Variants in DOCK1 observed in about 807,000 individuals in gnomAD.
The protein encoded by DOCK1 is dedicator of cytokinesis protein 1.
DOCK1 carries 138 observed loss-of-function variants against 262.7 expected under a neutral mutation model. The observed-to-expected ratio is 0.53, with a 90% CI of 0.46 to 0.61. The LOEUF (loss-of-function observed/expected upper bound fraction) is 0.61. Among genes scored for constraint, DOCK1 ranks in the 20% least tolerant of loss-of-function variants. The pLI, the probability that DOCK1 is intolerant of heterozygous loss-of-function variation, is 0.00. For missense variants in DOCK1, 1,908 were observed against 2,370.7 expected (o/e 0.80, Z 4.05); for synonymous variants, 866 against 867.4 (o/e 1.00, Z 0.03).
At chr10:127,008,237 A>G (rs956531010) in intron 10 of DOCK1, among the ~76,000 whole-genome samples, 10 of 152,032 alleles carry the variant, frequency 6.6e-5, no homozygotes, top group Admixed American at 2.0e-4. Context: ...AGCTGGGACT[A>G]CAGGTGCACA....
intron 31 of DOCK1, among the ~76,000 whole-genome samples, chr10:127,348,635 C>CA (rs1554953261): frequency 7.8e-4 from 118 of 151,910 alleles, no homozygotes; most frequent in African/African-American, 2.7e-3. Context: ...TCAGTTTTGG[C>CA]GGGGTGGGTG....
intron 32 of DOCK1, among the ~76,000 whole-genome samples, chr10:127,360,273 C>T (rs138014125): frequency 2.6e-5 from 4 of 152,244 alleles, no homozygotes; most frequent in Non-Finnish European, 4.4e-5. Flanking sequence ...AGGAGCTCAC[C>T]CTGATCCTCA....
intron 21 of DOCK1, among the ~76,000 whole-genome samples, chr10:127,050,381 G>T (rs2135718746): frequency 6.7e-6 from 1 of 149,578 alleles, no homozygotes; most frequent in East Asian, 2.0e-4. Context: ...ATTTCCAATA[G>T]ATATTATAAT....
intron 24 of DOCK1, among the ~76,000 whole-genome samples, chr10:127,109,386 TGTG>T (rs950555531): frequency 4.6e-5 from 7 of 152,368 alleles, no homozygotes; most frequent in South Asian, 4.1e-4. Context: ...ATTGCTTTAT[TGTG>T]GTATTATTTA....
chr10:127,418,287 G>GGAAGAAAGGTTCACGGAGGAGCAGGAAGC, intron 44 of DOCK1, 78 bp from the exon 45 acceptor site: 12 of 1,448,372 alleles, frequency 8.3e-6, no homozygotes, highest in South Asian at 1.4e-5. Context: ...CTGCCCCAGA[G>GGAAGAAAGGTTCACGGAGGAGCAGGAAGC]CACGTGGCTC....
intron 23 of DOCK1, among the ~76,000 whole-genome samples, chr10:127,091,387 T>C (rs2047525297): frequency 6.6e-6 from 1 of 152,238 alleles, no homozygotes; most frequent in Non-Finnish European, 1.5e-5. Flanking sequence ...TATTGCTCTA[T>C]CTACATGGAC....
chr10:127,010,635 G>A (rs1036197954), intron 11 of DOCK1, among the ~76,000 whole-genome samples: 4 of 152,198 alleles, frequency 2.6e-5, no homozygotes, highest in African/African-American at 4.8e-5. Context: ...ATGTTGTTTT[G>A]TAGTCCCATC....
At chr10:127,097,225 G>T (rs2047963876) in intron 23 of DOCK1, among the ~76,000 whole-genome samples, 1 of 152,258 alleles carries the variant, frequency 6.6e-6, no homozygotes, top group African/African-American at 2.4e-5. Context: ...TTTGGTTTCA[G>T]TGTGTTCTTG....
chr10:126,956,545 G>A (rs1394980886), intron 1 of DOCK1, among the ~76,000 whole-genome samples: 4 of 152,246 alleles, frequency 2.6e-5, no homozygotes, highest in East Asian at 1.9e-4. Context: ...CTTGCTCCCC[G>A]CCCACGTGCC....
intron 38 of DOCK1, among the ~76,000 whole-genome samples, chr10:127,400,145 A>G (rs888493551): frequency 6.6e-6 from 1 of 151,964 alleles, no homozygotes; most frequent in Non-Finnish European, 1.5e-5. Flanking sequence ...CAAAGTATTA[A>G]AATGCAGCTC....
At chr10:127,007,754 G>A (rs2041144616) in intron 10 of DOCK1, among the ~76,000 whole-genome samples, 1 of 152,216 alleles carries the variant, frequency 6.6e-6, no homozygotes, top group African/African-American at 2.4e-5. Context: ...AGTTTAATAG[G>A]ATTGAAAGAG....
At chr10:127,074,278 G>T (rs1006994821) in intron 23 of DOCK1, among the ~76,000 whole-genome samples, 2 of 152,204 alleles carry the variant, frequency 1.3e-5, no homozygotes, top group African/African-American at 4.8e-5. Context: ...AGGTTAGAAA[G>T]TCACATCTTT....
intron 21 of DOCK1, among the ~76,000 whole-genome samples, chr10:127,051,936 C>T (rs1163598479): frequency 6.6e-6 from 1 of 152,074 alleles, no homozygotes; most frequent in Non-Finnish European, 1.5e-5. Flanking sequence ...CACTATCCAT[C>T]AGAGAGTATT....
intron 26 of DOCK1, among the ~76,000 whole-genome samples, chr10:127,127,165 C>T (rs916737487): frequency 6.6e-5 from 10 of 152,188 alleles, no homozygotes; most frequent in Admixed American, 2.6e-4. Flanking sequence ...AATCAACAAT[C>T]GCATCCCACA....
chr10:127,373,753 T>G, intron 33 of DOCK1, 28 bp from the exon 34 acceptor site: 1 of 1,577,256 alleles, frequency 6.3e-7, no homozygotes, highest in Non-Finnish European at 8.6e-7. Flanking sequence ...CCATGCTGAT[T>G]ATTTACGCTT....
chr10:126,931,551 G>T (rs2034187809), intron 1 of DOCK1, among the ~76,000 whole-genome samples: 1 of 152,212 alleles, frequency 6.6e-6, no homozygotes, highest in Non-Finnish European at 1.5e-5. Flanking sequence ...CTCAGACTTG[G>T]AGAGGCATGG....
chr10:127,097,011 A>G (rs192813102), intron 23 of DOCK1, among the ~76,000 whole-genome samples: 1 of 152,300 alleles, frequency 6.6e-6, no homozygotes, highest in African/African-American at 2.4e-5. Context: ...AGGCTGAGAC[A>G]GGAGAATTGC....
intron 29 of DOCK1, among the ~76,000 whole-genome samples, chr10:127,291,240 A>G (rs1350246771): frequency 6.6e-6 from 1 of 152,176 alleles, no homozygotes; most frequent in Non-Finnish European, 1.5e-5. Flanking sequence ...TGGACAGACC[A>G]TTTGCACACA....
At chr10:127,276,372 G>A (rs543735047) in intron 29 of DOCK1, among the ~76,000 whole-genome samples, 51 of 152,162 alleles carry the variant, frequency 3.4e-4, no homozygotes, top group African/African-American at 1.2e-3. Context: ...GAGGGGACAG[G>A]GGGGACAGGC....
Sources: gnomAD v4.1 joint callset for allele counts (sites outside exome capture counted in the v4.1 genomes callset) on GRCh38, gnomAD v4.1.1 for gene constraint, MANE v1.5 for transcripts, NCBI Gene and HGNC (gene_info 2026-07-23, HGNC 2026-07-21) for gene names.